Variants in TXNDC12 observed in about 807,000 individuals in gnomAD.
TXNDC12 encodes thioredoxin domain-containing protein 12.
In TXNDC12, 22 loss-of-function variants were observed where a neutral mutation model predicts 24.2. The observed-to-expected ratio is 0.91, with a 90% CI of 0.65 to 1.30. TXNDC12 has a LOEUF of 1.30. TXNDC12 is among the 50% of genes most tolerant of loss of function. TXNDC12 has a pLI of 0.00. For missense variants in TXNDC12, 184 were observed against 205.8 expected (o/e 0.89, Z 0.65); for synonymous variants, 58 against 73.4 (o/e 0.79, Z 1.07).
At chr1:52,048,371 T>C (rs1243754748) in intron 1 of TXNDC12, among the ~76,000 whole-genome samples, 2 of 151,684 alleles carry the variant, frequency 1.3e-5, no homozygotes, top group Admixed American at 6.6e-5. Context: ...GAGGCTGATG[T>C]CAGAGGATTG....
intron 1 of TXNDC12, among the ~76,000 whole-genome samples, chr1:52,046,719 T>A (rs1686096089): frequency 6.6e-6 from 1 of 151,352 alleles, no homozygotes; most frequent in Non-Finnish European, 1.5e-5. Flanking sequence ...CCATCTCTAC[T>A]AAAAATACAA....
intron 2 of TXNDC12, chr1:52,033,701 A>G (rs1685826017): frequency 6.2e-7 from 1 of 1,610,830 alleles, no homozygotes; most frequent in Admixed American, 1.7e-5. Flanking sequence ...GCCACGCGCA[A>G]CTCTTCAGCA....
chr1:52,031,595 C>A (rs1321583987), intron 2 of TXNDC12, among the ~76,000 whole-genome samples: 1 of 152,050 alleles, frequency 6.6e-6, no homozygotes, highest in African/African-American at 2.4e-5. Context: ...CAGGTTCAAG[C>A]GATTCTCGTG....
At chr1:52,050,132 A>G (rs1406715660) in intron 1 of TXNDC12, among the ~76,000 whole-genome samples, 1 of 152,222 alleles carries the variant, frequency 6.6e-6, no homozygotes, top group Non-Finnish European at 1.5e-5. Flanking sequence ...CTGTCTCTCT[A>G]GCAAACATTA....
At chr1:52,032,558 G>C in intron 2 of TXNDC12, 1 of 1,407,936 alleles carries the variant, frequency 7.1e-7, no homozygotes, top group Admixed American at 3.2e-5. Flanking sequence ...GGGTATGCAG[G>C]AAAGTTTGAG....
chr1:52,033,282 A>G, intron 2 of TXNDC12: 5 of 1,613,948 alleles, frequency 3.1e-6, no homozygotes, highest in Non-Finnish European at 3.4e-6. Flanking sequence ...CATTTACTAC[A>G]GAGTCCGCAG....
intron 2 of TXNDC12, among the ~76,000 whole-genome samples, chr1:52,037,366 C>A (rs778870361): frequency 2.6e-5 from 4 of 152,138 alleles, no homozygotes; most frequent in African/African-American, 9.7e-5. Context: ...GCATGTGCCA[C>A]CACGCCCGGC....
chr1:52,032,038 A>G, intron 2 of TXNDC12: 1 of 697,686 alleles, frequency 1.4e-6, no homozygotes, highest in Non-Finnish European at 1.8e-6. Context: ...AGGCAGAACA[A>G]TGACAAGTAT....
chr1:52,024,328 T>C (rs1308094582), intron 5 of TXNDC12, among the ~76,000 whole-genome samples, 182 bp downstream of exon 5: 1 of 152,180 alleles, frequency 6.6e-6, no homozygotes. Context: ...AGTTAGTTAA[T>C]GGGAAAAGTT....
intron 6 of TXNDC12, among the ~76,000 whole-genome samples, chr1:52,022,894 C>T (rs978027125): frequency 3.3e-5 from 5 of 152,182 alleles, no homozygotes; most frequent in African/African-American, 1.2e-4. Flanking sequence ...CCGCCTCGGC[C>T]TCCCAAAGTG....
Position 52,027,328 on chromosome 1 carries a change from C to G in TXNDC12, c.232G>C (p.Glu78Gln). 1 of 1,613,392 alleles carries G rather than the reference C, an allele frequency of 6.2e-7. No homozygotes were observed. The highest frequency in any genetic ancestry group is 8.5e-7 in the Non-Finnish European group (1 of 1,179,562). ...GAGAGTTCTGAAATTTCCGTAGATTCTGCAAATTTGGGCTTTAGAGCTGGG... is the reference window on the plus strand; with the variant it reads ...GAGAGTTCTGAAATTTCCGTAGATTGTGCAAATTTGGGCTTTAGAGCTGGG... ...ACKALKPKFA[E>Q]STEISELSHN... The change falls in exon 4 of 7, where the codon GAA (glutamate) becomes CAA (glutamine). Residue 78 changes from glutamate to glutamine, a missense_variant. Physicochemically the swap from Glu to Gln is conservative, Grantham distance 29. Transcript: ENST00000371626.
chr1:52,040,630 G>C (rs528015852), intron 2 of TXNDC12, among the ~76,000 whole-genome samples: 1 of 152,302 alleles, frequency 6.6e-6, no homozygotes, highest in East Asian at 1.9e-4. Flanking sequence ...TCTAGGCTAT[G>C]CTGTTCATCT....
intron 2 of TXNDC12, among the ~76,000 whole-genome samples, chr1:52,038,727 A>T (rs1223081198): frequency 6.6e-6 from 1 of 152,094 alleles, no homozygotes; most frequent in Admixed American, 6.6e-5. Context: ...CCATATAATG[A>T]CTTTGCTTTT....
At chr1:52,041,644 AC>A in intron 1 of TXNDC12, 47 bp from the exon 2 acceptor site, 1 of 1,326,714 alleles carries the variant, frequency 7.5e-7, no homozygotes, top group Non-Finnish European at 1.1e-6. Flanking sequence ...AACAAAGGGC[AC>A]AGTCCCAAGA....
At chr1:52,055,203 CCAGATTTTTTTTTTT>C (rs1686315024), upstream of TXNDC12, 1 of 743,346 alleles carries the variant, frequency 1.3e-6, no homozygotes, top group South Asian at 1.6e-5. Context: ...CCTCTACTTC[CCAGATTTTTTTTTTT>C]CAAACTCTGA....
intron 2 of TXNDC12, chr1:52,033,167 C>G (rs1328364484): frequency 1.7e-5 from 27 of 1,614,232 alleles, no homozygotes; most frequent in Non-Finnish European, 2.2e-5. Context: ...GCACCGGACC[C>G]ATGCTTTGCA....
chr1:52,031,946 C>T (rs369130106), intron 2 of TXNDC12, among the ~76,000 whole-genome samples: 27 of 152,250 alleles, frequency 1.8e-4, no homozygotes, highest in African/African-American at 5.5e-4. Context: ...AAAACAGTTA[C>T]GGAAATTGTC....
At chr1:52,042,009 C>T (rs930254417) in intron 1 of TXNDC12, among the ~76,000 whole-genome samples, 2 of 152,162 alleles carry the variant, frequency 1.3e-5, no homozygotes, top group African/African-American at 2.4e-5. Context: ...TCCATGACTC[C>T]ACTTCCTATT....
At chr1:52,037,838 A>G (rs984667298) in intron 2 of TXNDC12, among the ~76,000 whole-genome samples, 1 of 152,140 alleles carries the variant, frequency 6.6e-6, no homozygotes, top group Non-Finnish European at 1.5e-5. Context: ...TCTGCCTCCC[A>G]AAGTGCTGGG....
Sources: gnomAD v4.1 joint callset for allele counts (sites outside exome capture counted in the v4.1 genomes callset) on GRCh38, gnomAD v4.1.1 for gene constraint, MANE v1.5 for transcripts, NCBI Gene and HGNC (gene_info 2026-07-23, HGNC 2026-07-21) for gene names.